Variants in EPHA6 observed in about 807,000 individuals in gnomAD.
The protein encoded by EPHA6 is EPH receptor A6.
Under a neutral mutation model 112.0 loss-of-function variants are expected in EPHA6, and 50 were observed. The observed-to-expected ratio is 0.45, with a 90% confidence interval of 0.36 to 0.56. The LOEUF (loss-of-function observed/expected upper bound fraction) is 0.56. Among genes scored for constraint, EPHA6 ranks in the 20% least tolerant of loss-of-function variants. The pLI is 0.00. For missense variants in EPHA6, 1,280 were observed against 1,417.4 expected (o/e 0.90, Z 1.56); for synonymous variants, 529 against 490.7 (o/e 1.08, Z -1.03).
At chr3:97,103,321 T>C (rs1342782983) in intron 3 of EPHA6, among the ~76,000 whole-genome samples, 1 of 152,122 alleles carries the variant, frequency 6.6e-6, no homozygotes, top group Admixed American at 6.6e-5. Context: ...TTTTTGTATA[T>C]AGTGTAGGGA....
chr3:97,546,580 T>A (rs2092953130), intron 11 of EPHA6, among the ~76,000 whole-genome samples: 1 of 152,172 alleles, frequency 6.6e-6, no homozygotes, highest in Non-Finnish European at 1.5e-5. Context: ...TTTGTGGAGT[T>A]CTCTGTATTT....
At chr3:96,919,043 G>A (rs1476412658) in intron 2 of EPHA6, among the ~76,000 whole-genome samples, 1 of 151,826 alleles carries the variant, frequency 6.6e-6, no homozygotes, top group Non-Finnish European at 1.5e-5. Context: ...ATTTCTTTAA[G>A]ACAAATTTTG....
intron 3 of EPHA6, among the ~76,000 whole-genome samples, chr3:97,114,158 T>C (rs2047811786): frequency 6.6e-6 from 1 of 152,120 alleles, no homozygotes; most frequent in African/African-American, 2.4e-5. Flanking sequence ...CAAGACCTCT[T>C]CTTCTTTATA....
At chr3:97,539,819 G>A (rs1351110674) in intron 11 of EPHA6, among the ~76,000 whole-genome samples, 1 of 152,142 alleles carries the variant, frequency 6.6e-6, no homozygotes, top group African/African-American at 2.4e-5. Flanking sequence ...AGGATCATTT[G>A]CTGAGGTGGA....
At chr3:97,671,041 C>T (rs558576551) in intron 14 of EPHA6, among the ~76,000 whole-genome samples, 18 of 152,070 alleles carry the variant, frequency 1.2e-4, no homozygotes, top group African/African-American at 3.4e-4. Context: ...CTTGGTGGCT[C>T]CTATGTGGTG....
chr3:97,297,071 T>C (rs902414140), intron 5 of EPHA6, among the ~76,000 whole-genome samples: 1 of 152,160 alleles, frequency 6.6e-6, no homozygotes, highest in Admixed American at 6.5e-5. Flanking sequence ...TCCCATCATG[T>C]GGTCTCCAGG....
In EPHA6 at chr3:97,493,227, C is replaced by T. The variant is rs555430594; in HGVS notation, c.2200+9168C>T. 3.9e-4 allele frequency among the ~76,000 whole-genome samples: 59 copies of T among 150,914 alleles called. No homozygotes were observed. In the South Asian group the frequency reaches 4.2e-3, roughly 11 times the overall value. Reference sequence around the variant, plus strand: ...GTATGTGTGTGTGTGTGTATACATACGTACATGTAAATGTGTTTGTGTTTG... The same window carrying T: ...GTATGTGTGTGTGTGTGTATACATATGTACATGTAAATGTGTTTGTGTTTG... On this transcript the variant is annotated intron_variant, in intron 10 of 17. Transcript: ENST00000389672.
At chr3:97,068,198 A>G (rs2046240595) in intron 3 of EPHA6, among the ~76,000 whole-genome samples, 1 of 151,600 alleles carries the variant, frequency 6.6e-6, no homozygotes. Flanking sequence ...GGGATAAAGA[A>G]TCATTTTGGT....
chr3:97,355,963 T>C (rs1238860567), intron 5 of EPHA6, among the ~76,000 whole-genome samples: 3 of 152,074 alleles, frequency 2.0e-5, no homozygotes, highest in African/African-American at 4.8e-5. Context: ...GATAAAAGGG[T>C]CAATTCAGCA....
chr3:96,927,131 G>A (rs1273961585), intron 2 of EPHA6, among the ~76,000 whole-genome samples: 1 of 152,212 alleles, frequency 6.6e-6, no homozygotes, highest in Admixed American at 6.5e-5. Flanking sequence ...CCACATGTAA[G>A]CCGGCAAGGC....
chr3:97,429,825 T>C (rs2107226721), intron 6 of EPHA6, among the ~76,000 whole-genome samples: 1 of 152,346 alleles, frequency 6.6e-6, no homozygotes, highest in South Asian at 2.1e-4. Flanking sequence ...TTTTCATGTG[T>C]TTGCAGACTC....
intron 11 of EPHA6, among the ~76,000 whole-genome samples, chr3:97,562,340 T>C (rs1191333492): frequency 6.6e-6 from 1 of 152,020 alleles, no homozygotes; most frequent in Non-Finnish European, 1.5e-5. Flanking sequence ...TGGGAGGAGG[T>C]CAAAATTTCA....
chr3:97,599,882 A>C (rs914243229), intron 12 of EPHA6, among the ~76,000 whole-genome samples: 2 of 152,162 alleles, frequency 1.3e-5, no homozygotes, highest in Non-Finnish European at 2.9e-5. Flanking sequence ...CATGATATTG[A>C]TTCTTCCTAC....
chr3:97,645,883 A>G (rs952019215), intron 14 of EPHA6, among the ~76,000 whole-genome samples: 10 of 151,928 alleles, frequency 6.6e-5, no homozygotes, highest in African/African-American at 2.4e-4. Flanking sequence ...TTATTTGTAA[A>G]TGTTTTTTAT....
At chr3:97,438,774 G>A (rs774590837) in intron 6 of EPHA6, among the ~76,000 whole-genome samples, 2 of 152,094 alleles carry the variant, frequency 1.3e-5, no homozygotes, top group Non-Finnish European at 2.9e-5. Context: ...ACAATGCTAC[G>A]TTACACACCT....
chr3:97,724,512 T>C (rs1402688179), intron 15 of EPHA6, among the ~76,000 whole-genome samples: 1 of 152,130 alleles, frequency 6.6e-6, no homozygotes, highest in Non-Finnish European at 1.5e-5. Flanking sequence ...AGCTCACACA[T>C]ATAATCAATG....
chr3:97,386,249 G>A (rs1412779490), intron 5 of EPHA6, among the ~76,000 whole-genome samples: 1 of 152,156 alleles, frequency 6.6e-6, no homozygotes, highest in African/African-American at 2.4e-5. Flanking sequence ...AGATCTGTGA[G>A]CTGATTAAAC....
At chr3:97,393,681 A>T (rs1430797555) in intron 5 of EPHA6, among the ~76,000 whole-genome samples, 1 of 151,726 alleles carries the variant, frequency 6.6e-6, no homozygotes, top group African/African-American at 2.4e-5. Flanking sequence ...AGGAAGTAGG[A>T]AGAGTGAACA....
At chr3:97,669,683 T>G (rs1227390985) in intron 14 of EPHA6, among the ~76,000 whole-genome samples, 1 of 152,202 alleles carries the variant, frequency 6.6e-6, no homozygotes, top group East Asian at 1.9e-4. Flanking sequence ...CCATGATTTT[T>G]ATACACATTT....
Sources: allele counts gnomAD v4.1 joint callset (sites outside exome capture counted in the v4.1 genomes callset), GRCh38; gene constraint gnomAD v4.1.1; transcripts MANE v1.5; gene names NCBI Gene and HGNC (gene_info 2026-07-23, HGNC 2026-07-21).